Variants in PRELID2 observed in about 807,000 individuals in gnomAD.
PRELID2 encodes the protein PRELI domain containing 2.
PRELID2 carries 25 observed loss-of-function variants against 28.4 expected under a neutral mutation model. That is an observed-to-expected ratio of 0.88 (90% CI 0.64 to 1.23). The LOEUF is 1.23. Among genes scored for constraint, PRELID2 ranks in the 50% most tolerant of loss-of-function variants. PRELID2 has a pLI of 0.00. For synonymous variants in PRELID2, 76 were observed against 71.6 expected (o/e 1.06, Z -0.31); for missense variants, 201 against 214.4 (o/e 0.94, Z 0.39).
At chr5:145,486,419 C>T (rs962781274) in intron 1 of PRELID2, among the ~76,000 whole-genome samples, 3 of 152,132 alleles carry the variant, frequency 2.0e-5, no homozygotes, top group Non-Finnish European at 2.9e-5. Context: ...ATAAATGAGG[C>T]TATTCCTCAG....
At chr5:145,488,091 T>A (rs1226492752) in intron 1 of PRELID2, among the ~76,000 whole-genome samples, 1 of 128,000 alleles carries the variant, frequency 7.8e-6, no homozygotes, top group Non-Finnish European at 1.5e-5. Context: ...ACCACTGCAC[T>A]CCAGCCTGGG....
chr5:145,508,830 A>G (rs942631504), intron 1 of PRELID2, among the ~76,000 whole-genome samples: 1 of 152,198 alleles, frequency 6.6e-6, no homozygotes, highest in African/African-American at 2.4e-5. Flanking sequence ...TGGTGGACCA[A>G]AAATAACCGG....
intron 1 of PRELID2, among the ~76,000 whole-genome samples, chr5:145,652,937 T>A (rs1023229447): frequency 6.6e-6 from 1 of 152,158 alleles, no homozygotes; most frequent in Non-Finnish European, 1.5e-5. Context: ...AATACTCCAA[T>A]TAAAAGACAC....
At chr5:145,420,275 A>G in the PRELID2 span, among the ~76,000 whole-genome samples, 2 of 152,100 alleles carry the variant, frequency 1.3e-5, no homozygotes, top group South Asian at 2.1e-4. Flanking sequence ...GAAGAAAGTC[A>G]TTGGTAGCTT....
At chr5:145,805,585 T>C (rs1012364909) in intron 4 of PRELID2, among the ~76,000 whole-genome samples, 5 of 152,078 alleles carry the variant, frequency 3.3e-5, no homozygotes, top group African/African-American at 1.2e-4. Flanking sequence ...TGGGCCAATA[T>C]ACAACTCAAA....
chr5:145,801,268 T>C (rs982020275), intron 4 of PRELID2, among the ~76,000 whole-genome samples: 1 of 152,220 alleles, frequency 6.6e-6, no homozygotes, highest in Non-Finnish European at 1.5e-5. Context: ...ACCTGCTAAC[T>C]TCTGGCTTGC....
intron 1 of PRELID2, among the ~76,000 whole-genome samples, chr5:145,738,152 G>A (rs1756550539): frequency 6.6e-6 from 1 of 152,114 alleles, no homozygotes; most frequent in African/African-American, 2.4e-5. Context: ...GACTGAGTGG[G>A]AACCTTTATC....
chr5:145,245,784 G>T, the PRELID2 span, among the ~76,000 whole-genome samples: 7 of 152,044 alleles, frequency 4.6e-5, no homozygotes, highest in Admixed American at 4.6e-4. Flanking sequence ...GTGAATTTGG[G>T]TATTTCACAT....
chr5:145,231,555 A>G, the PRELID2 span, among the ~76,000 whole-genome samples: 1 of 152,230 alleles, frequency 6.6e-6, no homozygotes, highest in Admixed American at 6.5e-5. Context: ...GTATAAATAA[A>G]TAATAGGATT....
Position 145,720,323 on chromosome 5 carries a change from A to C in PRELID2, n.70+44608T>G, listed in dbSNP as rs1755953182. ...ATTCCAGTAAAATTATGAGACATTA[A>C]AGATAATTTTAAAAAAAAAACCTCA... is the stretch of plus-strand genomic sequence containing the variant. On this transcript the variant is annotated intron_variant and non_coding_transcript_variant, in intron 1 of 2. Coordinates refer to the PRELID2 transcript ENST00000510259. 3.3e-5 allele frequency among the ~76,000 whole-genome samples: 5 copies of C among 151,836 alleles called. No homozygotes were observed. The South Asian group carries it at 1.0e-3, about 31-fold the overall frequency.
At chr5:145,639,332 G>T (rs535906077) in intron 1 of PRELID2, among the ~76,000 whole-genome samples, 102 of 151,948 alleles carry the variant, frequency 6.7e-4, no homozygotes, top group Non-Finnish European at 5.0e-4. Flanking sequence ...TAAGAAGAAA[G>T]AACACAGCTT....
rs114039547 is a variant in PRELID2 at position 145,685,372 on chromosome 5, G to A, written n.70+79559C>T. Among the ~76,000 whole-genome samples, 76 of 152,202 alleles carry A rather than the reference G, an allele frequency of 5.0e-4. No homozygotes were observed. In the East Asian group the frequency reaches 0.013, roughly 26 times the overall value. ...GTAATACGCCATGTTCTCTCCAGTC[G>A]CTAGGTCTTTGCAAATGTTATTCTT... On this transcript the variant is annotated intron_variant and non_coding_transcript_variant, in intron 1 of 2. Coordinates refer to the PRELID2 transcript ENST00000510259.
At chr5:145,416,371 T>C in the PRELID2 span, among the ~76,000 whole-genome samples, 1 of 151,938 alleles carries the variant, frequency 6.6e-6, no homozygotes, top group Admixed American at 6.6e-5. Context: ...GGACTTCATG[T>C]CTAAAACACC....
At chr5:145,581,846 T>TA (rs1182695853) in intron 1 of PRELID2, among the ~76,000 whole-genome samples, 1 of 152,062 alleles carries the variant, frequency 6.6e-6, no homozygotes, top group Non-Finnish European at 1.5e-5. Context: ...ATCCTTATTC[T>TA]AGTCATTATT....
chr5:145,553,913 G>A (rs1232115724), intron 1 of PRELID2, among the ~76,000 whole-genome samples: 1 of 152,200 alleles, frequency 6.6e-6, no homozygotes, highest in East Asian at 1.9e-4. Flanking sequence ...GAGAGGTGGA[G>A]AAGAAGTGAC....
chr5:145,334,317 CT>C, the PRELID2 span, among the ~76,000 whole-genome samples: 1 of 152,138 alleles, frequency 6.6e-6, no homozygotes, highest in South Asian at 2.1e-4. Context: ...TGAAAATAAG[CT>C]TCTTTTCAAT....
the PRELID2 span, among the ~76,000 whole-genome samples, chr5:145,340,244 C>T: frequency 6.6e-6 from 1 of 152,188 alleles, no homozygotes; most frequent in South Asian, 2.1e-4. Context: ...GTCTGGCTGA[C>T]TCAACCTGCC....
At chr5:145,609,369 T>A (rs1055404122) in intron 1 of PRELID2, among the ~76,000 whole-genome samples, 5 of 152,250 alleles carry the variant, frequency 3.3e-5, no homozygotes, top group African/African-American at 1.2e-4. Flanking sequence ...GTTCCCGTGC[T>A]GGTTCTTTCT....
chr5:145,548,805 C>T (rs1231538021), intron 1 of PRELID2, among the ~76,000 whole-genome samples: 1 of 152,198 alleles, frequency 6.6e-6, no homozygotes, highest in Non-Finnish European at 1.5e-5. Context: ...AAAGAGCTAA[C>T]TGCATCTCTT....
Sources: allele counts gnomAD v4.1 joint callset (sites outside exome capture counted in the v4.1 genomes callset), GRCh38; gene constraint gnomAD v4.1.1; transcripts MANE v1.5; gene names NCBI Gene and HGNC (gene_info 2026-07-23, HGNC 2026-07-21).